The following CNTNAP2 variants were observed in gnomAD, a reference collection of about 807,000 sequenced individuals.
The protein encoded by CNTNAP2 is contactin-associated protein-like 2.
CNTNAP2 carries 98 observed loss-of-function variants against 155.2 expected under a neutral mutation model. The observed-to-expected ratio is 0.63, with a 90% CI of 0.54 to 0.75. The LOEUF (loss-of-function observed/expected upper bound fraction) is 0.75. CNTNAP2 is among the 30% of genes least tolerant of loss of function. CNTNAP2 has a pLI of 0.00. For synonymous variants in CNTNAP2, 651 were observed against 631.2 expected (o/e 1.03, Z -0.47); for missense variants, 1,727 against 1,688.1 (o/e 1.02, Z -0.40).
intron 3 of CNTNAP2, among the ~76,000 whole-genome samples, chr7:146,855,241 C>G (rs1448492411): frequency 6.6e-6 from 1 of 152,046 alleles, no homozygotes; most frequent in African/African-American, 2.4e-5. Flanking sequence ...ATGAGCATGT[C>G]CAATAGAACA....
chr7:146,621,378 G>A (rs1225887974), intron 1 of CNTNAP2, among the ~76,000 whole-genome samples: 1 of 151,986 alleles, frequency 6.6e-6, no homozygotes, highest in Non-Finnish European at 1.5e-5. Context: ...GATTTTCTTA[G>A]GTTTTACCTT....
chr7:146,294,162 A>G (rs966016736), intron 1 of CNTNAP2, among the ~76,000 whole-genome samples: 1 of 152,230 alleles, frequency 6.6e-6, no homozygotes, highest in African/African-American at 2.4e-5. Context: ...AGTTCTTTTT[A>G]AATACAAGTT....
At chr7:146,727,227 C>A (rs969218132) in intron 1 of CNTNAP2, among the ~76,000 whole-genome samples, 6 of 152,038 alleles carry the variant, frequency 3.9e-5, no homozygotes, top group Non-Finnish European at 5.9e-5. Flanking sequence ...TACACAGTGT[C>A]CTTTGCATTG....
chr7:146,446,496 A>C (rs1458373346), intron 1 of CNTNAP2, among the ~76,000 whole-genome samples: 1 of 152,156 alleles, frequency 6.6e-6, no homozygotes, highest in Non-Finnish European at 1.5e-5. Context: ...TCAGTTTCAC[A>C]TCAGTGAACA....
chr7:147,499,582 A>C (rs1798773475), intron 11 of CNTNAP2, among the ~76,000 whole-genome samples: 1 of 152,120 alleles, frequency 6.6e-6, no homozygotes. Context: ...ATGCCTAAAA[A>C]ATGAGTCCTC....
At position 147,307,819 on chromosome 7, in the gene CNTNAP2, T is replaced by C. The variant is rs142379703; in HGVS notation, c.1498+7529T>C. On this transcript the variant is annotated intron_variant, in intron 9 of 23. Transcript: ENST00000361727. ...AGAACTAAGGCCTACATTCATTCAT[T>C]TATATCCAAAGAGATTATGGGCAAC... is the stretch of plus-strand genomic sequence containing the variant. 1.6e-3 allele frequency among the ~76,000 whole-genome samples: 248 copies of C among 152,326 alleles called. 3 individuals carry two copies. Among genetic ancestry groups the C allele is most frequent in the African/African-American group, 5.7e-3 (237 of 41,564 alleles).
chr7:148,201,907 T>C (rs1795376260), intron 18 of CNTNAP2, among the ~76,000 whole-genome samples: 2 of 151,926 alleles, frequency 1.3e-5, no homozygotes, highest in Admixed American at 6.6e-5. Context: ...GGAGATATTA[T>C]AGTAAACAAA....
At chr7:148,305,589 G>A (rs922493067) in intron 21 of CNTNAP2, among the ~76,000 whole-genome samples, 33 of 152,158 alleles carry the variant, frequency 2.2e-4, no homozygotes, top group Non-Finnish European at 3.8e-4. Flanking sequence ...TGGCTAAGAC[G>A]CCTCAGGAAA....
intron 12 of CNTNAP2, among the ~76,000 whole-genome samples, chr7:147,589,331 G>T (rs144766022): frequency 3.1e-3 from 476 of 152,080 alleles, no homozygotes; most frequent in African/African-American, 0.011. Context: ...CCTTGGCTTG[G>T]GACAGACTGT....
intron 3 of CNTNAP2, among the ~76,000 whole-genome samples, chr7:146,992,611 A>G (rs1233212194): frequency 2.0e-5 from 3 of 151,890 alleles, no homozygotes; most frequent in African/African-American, 7.3e-5. Flanking sequence ...TACCGGCTCC[A>G]CCCCATTCTC....
intron 4 of CNTNAP2, among the ~76,000 whole-genome samples, chr7:147,093,016 A>G (rs369019677): frequency 4.6e-5 from 7 of 151,914 alleles, no homozygotes; most frequent in African/African-American, 1.7e-4. Context: ...ACGTCAGGAG[A>G]TCGAGACCAT....
intron 15 of CNTNAP2, among the ~76,000 whole-genome samples, chr7:148,026,227 T>C (rs1472070437): frequency 6.6e-6 from 1 of 152,120 alleles, no homozygotes; most frequent in Non-Finnish European, 1.5e-5. Context: ...GGCAGGCAGA[T>C]TGCTTGAGCT....
chr7:146,985,308 A>ATTTTTTTTTTTTTTTTTT (rs71165057), intron 3 of CNTNAP2, among the ~76,000 whole-genome samples: 1 of 127,852 alleles, frequency 7.8e-6, no homozygotes, highest in African/African-American at 3.1e-5. Context: ...AAATGCTTGA[A>ATTTTTTTTTTTTTTTTTT]TTTTTTTTTT....
intron 1 of CNTNAP2, among the ~76,000 whole-genome samples, chr7:146,300,413 C>T (rs1800587595): frequency 6.6e-6 from 1 of 151,528 alleles, no homozygotes; most frequent in African/African-American, 2.4e-5. Flanking sequence ...AATGATTGGC[C>T]CTATACTTGA....
intron 3 of CNTNAP2, among the ~76,000 whole-genome samples, chr7:146,985,207 G>C (rs1055357404): frequency 6.6e-6 from 1 of 151,826 alleles, no homozygotes; most frequent in African/African-American, 2.4e-5. Context: ...GGACATTGAC[G>C]TGAAACTCCA....
At chr7:146,258,259 C>T (rs1180139434) in intron 1 of CNTNAP2, among the ~76,000 whole-genome samples, 1 of 152,048 alleles carries the variant, frequency 6.6e-6, no homozygotes, top group Admixed American at 6.6e-5. Flanking sequence ...AGAAAATAGA[C>T]ATTTATATTC....
intron 8 of CNTNAP2, among the ~76,000 whole-genome samples, chr7:147,218,913 GC>G (rs1266928235): frequency 6.6e-6 from 1 of 152,018 alleles, no homozygotes; most frequent in Non-Finnish European, 1.5e-5. Flanking sequence ...CTCTTGTTAG[GC>G]ACATACATGT....
chr7:146,433,870 A>G (rs1185079670), intron 1 of CNTNAP2, among the ~76,000 whole-genome samples: 2 of 152,202 alleles, frequency 1.3e-5, no homozygotes, highest in African/African-American at 2.4e-5. Context: ...CCAGTCTTAC[A>G]GGCATAAGCA....
At chr7:146,240,693 A>C (rs1433976765) in intron 1 of CNTNAP2, among the ~76,000 whole-genome samples, 3 of 152,194 alleles carry the variant, frequency 2.0e-5, no homozygotes, top group African/African-American at 7.2e-5. Context: ...CCAGGATTTG[A>C]ACTAAAGACA....
Sources: allele counts gnomAD v4.1 joint callset (sites outside exome capture counted in the v4.1 genomes callset), GRCh38; gene constraint gnomAD v4.1.1; transcripts MANE v1.5; gene names NCBI Gene and HGNC (gene_info 2026-07-23, HGNC 2026-07-21).